Variants in DNAH1 observed in about 807,000 individuals in gnomAD.
The protein encoded by DNAH1 is axonemal beta dynein heavy chain 1.
DNAH1 carries 327 observed loss-of-function variants against 484.3 expected under a neutral mutation model. The ratio of observed to expected loss-of-function variants is 0.68; its 90% CI spans 0.62 to 0.74. DNAH1 has a LOEUF of 0.74. Among genes scored for constraint, DNAH1 ranks in the 30% least tolerant of loss-of-function variants. The pLI is 0.00. For synonymous variants in DNAH1, 2,192 were observed against 2,191.9 expected (o/e 1.00, Z 0.00); for missense variants, 5,052 against 5,546.8 (o/e 0.91, Z 2.83).
At position 52,332,408 on chromosome 3, in the gene DNAH1, C is replaced by T. The variant is rs747429673; in HGVS notation, c.1286+14C>T. On this transcript the variant is annotated intron_variant, in intron 8 of 77. Coordinates refer to ENST00000420323, the MANE Select transcript of DNAH1 (RefSeq NM_015512.5). ...CAAAGGCCCCTCGTGAGTCCCCGCT[C>T]GGCCTTCCCTATTCTGGGCATCACC... 1.7e-5 allele frequency: 27 copies of T among 1,609,154 alleles called. No homozygotes were observed. The highest frequency in any genetic ancestry group is 8.8e-5 in the South Asian group (8 of 91,042).
In DNAH1 at chr3:52,368,986, G is replaced by T; in HGVS notation, c.5943+68G>T. The T allele has an allele frequency of 6.4e-7, 1 of 1,562,598 alleles. No homozygotes were observed. The stretch of plus-strand genomic sequence containing the variant: ...GTGGGCCTGGAGGCTGCATCATGCT[G>T]GCCAAACTCTGCCCCCTCACCCCTT... On this transcript the variant is annotated intron_variant, in intron 37 of 77. Transcript: ENST00000420323. This position sits in a 1 kb window ranked among gnomAD's most constrained non-coding sequence, Gnocchi z 4.4.
rs761174540 is a variant in DNAH1, at chr3:52,399,063, G to A, written c.12303G>A (p.Gln4101=). The A allele has an allele frequency of 1.2e-6, 2 of 1,613,940 alleles. No individual in the cohort carries two copies. Among genetic ancestry groups the A allele is most frequent in the Admixed American group, 1.7e-5 (1 of 60,006 alleles). ...MDLLQRLDFL[Q]AWIQDGIPAV... is the part of the protein sequence containing the mutation. ...TGCTGCAACGCCTGGACTTTCTGCAGGCCTGGATCCAAGATGGCATCCCAG... is the reference window on the plus strand; with the variant it reads ...TGCTGCAACGCCTGGACTTTCTGCAAGCCTGGATCCAAGATGGCATCCCAG... Residue 4101 remains glutamine, a synonymous_variant, in exon 76 of 78, where the codon CAG becomes CAA. Coordinates refer to ENST00000420323, the MANE Select transcript of DNAH1 (RefSeq NM_015512.5).
chr3:52,383,569 A>G lies in DNAH1; in HGVS notation c.8125A>G (p.Asn2709Asp). Residue 2709 changes from asparagine to aspartate, a missense_variant, in exon 51 of 78, where the codon AAC becomes GAC. Around this residue, in one of 4 missense-constraint regions of DNAH1, gnomAD observed 2,929 missense variants for 3,409.4 expected, o/e 0.86. Transcript: ENST00000420323. ...MAAYTGRVRSNIHMVLCMSPI... is the reference protein window; with the variant it reads ...MAAYTGRVRSDIHMVLCMSPI... ...TGCTTACACAGGGCGTGTGCGCAGC[A>G]ACATCCACATGGTGCTGTGCATGAG... 1.2e-6 allele frequency: 2 copies of G among 1,601,968 alleles called. No individual in the cohort carries two copies. Among genetic ancestry groups the G allele is most frequent in the Non-Finnish European group, 1.7e-6 (2 of 1,174,132 alleles).
In DNAH1 at chr3:52,399,790, T is replaced by A. The variant is rs780251986; in HGVS notation, c.12676+11T>A. The A allele has an allele frequency of 6.2e-7, 1 of 1,612,448 alleles. No homozygotes were observed. Among genetic ancestry groups the A allele is most frequent in the Non-Finnish European group, 8.5e-7 (1 of 1,178,996 alleles). ...CACTGACTCGTGCTGGTATGAGGCC[T>A]GGGATGGGAGCCTACACTATGGGCG... On this transcript the variant is annotated intron_variant, in intron 77 of 77. Transcript: ENST00000420323.
chr3:52,339,430 A>T (rs140324394), intron 8 of DNAH1, among the ~76,000 whole-genome samples: 105 of 152,020 alleles, frequency 6.9e-4, no homozygotes, highest in African/African-American at 2.4e-3. Flanking sequence ...CTCTTTTCTT[A>T]CCGACATTTG....
rs755267166 is a variant in DNAH1 at position 52,360,420 on chromosome 3, G to A, written c.4681G>A (p.Asp1561Asn). Residue 1561 changes from aspartate (D) to asparagine (N), a missense_variant, in exon 28 of 78, where the codon GAC becomes AAC. Physicochemically the swap from Asp to Asn is conservative, Grantham distance 23. Transcript: ENST00000420323. ...SGRLVITPLT[D>N]RCYLTLTGAL... Reference sequence around the variant, plus strand: ...GAGGCTGGTGATCACGCCCCTCACCGACAGGTAAGCGTTCCCCTCTTGCTC... The same window carrying A: ...GAGGCTGGTGATCACGCCCCTCACCAACAGGTAAGCGTTCCCCTCTTGCTC... 8.1e-6 allele frequency: 13 copies of A among 1,612,804 alleles called. No individual in the cohort carries two copies. The highest frequency in any genetic ancestry group is 3.3e-5 in the Admixed American group (2 of 59,994).
intron 44 of DNAH1, chr3:52,374,511 T>A: frequency 6.8e-7 from 1 of 1,475,338 alleles, no homozygotes; most frequent in Non-Finnish European, 9.5e-7. Flanking sequence ...CATTGAACCA[T>A]CAGAATTTGT....
intron 52 of DNAH1, 131 bp downstream of exon 52, chr3:52,384,162 T>G (rs1432988400): frequency 3.0e-6 from 3 of 1,000,664 alleles, no homozygotes; most frequent in Non-Finnish European, 4.2e-6. Context: ...AGGCTGTGTT[T>G]CCTGTCTAAG....
chr3:52,396,488 C>T lies in DNAH1; in HGVS notation c.11380C>T (p.Leu3794=). The T allele has an allele frequency of 6.2e-7, 1 of 1,608,216 alleles. No homozygotes were observed. Among genetic ancestry groups the T allele is most frequent in the Non-Finnish European group, 8.5e-7 (1 of 1,177,356 alleles). The change falls in exon 71 of 78, where the codon CTG becomes TTG. Residue 3794 remains leucine (L), a synonymous_variant. Coordinates refer to ENST00000420323, the MANE Select transcript of DNAH1 (RefSeq NM_015512.5). ...EPPRGVRANL[L]KSYSSLGEDF... Reference sequence around the variant, plus strand: ...GCCACGCGGTGTCAGGGCCAACCTGCTGAAGTCCTATAGTAGCCTTGGTGA... The same window carrying T: ...GCCACGCGGTGTCAGGGCCAACCTGTTGAAGTCCTATAGTAGCCTTGGTGA...
rs764499701 is a variant in DNAH1, at chr3:52,394,537, TCAGA to T, written c.10701_10704del (p.Asp3568GlyfsTer7). 6.2e-7 allele frequency: 1 copy of T among 1,614,000 alleles called. No homozygotes were observed. The highest frequency in any genetic ancestry group is 2.2e-5 in the East Asian group (1 of 44,882). On this transcript the variant is annotated frameshift_variant, in exon 67 of 78. Coordinates refer to ENST00000420323, the MANE Select transcript of DNAH1 (RefSeq NM_015512.5). LOFTEE classifies it high-confidence loss of function. ...TGAGAATCCGGCACCGGACTGGCTG[TCAGA>T]CCGGGCTTGGCGAGACATCCTAGCA...
In DNAH1 at chr3:52,388,193, A is replaced by G; in HGVS notation, c.9030A>G (p.Lys3010=). Residue 3010 remains lysine, a synonymous_variant, in exon 57 of 78, where the codon AAA becomes AAG. Transcript: ENST00000420323. ...DKDNIGDVVI[K]AIQPYIDNEE... ...ACAACATTGGGGATGTGGTGATCAA[A>G]GCCATCCAGCCGTACATCGATAATG... 17 of 1,609,782 alleles carry G rather than the reference A, an allele frequency of 1.1e-5. No individual in the cohort carries two copies. The highest frequency in any genetic ancestry group is 1.4e-5 in the Non-Finnish European group (16 of 1,178,246).
At chr3:52,376,603 C>T (rs1559548881) in intron 46 of DNAH1, among the ~76,000 whole-genome samples, 2 of 152,154 alleles carry the variant, frequency 1.3e-5, no homozygotes, top group South Asian at 4.1e-4. Context: ...CACCCCTCTT[C>T]CCCGCCAACA....
chr3:52,360,275 C>T (rs947122062), intron 27 of DNAH1, 36 bp from the exon 28 acceptor site: 5 of 1,583,060 alleles, frequency 3.2e-6, no homozygotes, highest in Middle Eastern at 1.7e-4. Context: ...TGGCCCATTG[C>T]CCCATGGCCA....
At chr3:52,389,006 T>C in intron 59 of DNAH1, 69 bp downstream of exon 59, 1 of 1,486,388 alleles carries the variant, frequency 6.7e-7, no homozygotes, top group South Asian at 1.3e-5. Context: ...CCTTGAGGCC[T>C]CGCCTCCATG....
chr3:52,388,740 G>C, intron 58 of DNAH1, 66 bp from the exon 59 acceptor site: 1 of 1,606,522 alleles, frequency 6.2e-7, no homozygotes, highest in Non-Finnish European at 8.5e-7. Flanking sequence ...TGCCACAGTG[G>C]GTAGGGCCAG....
At chr3:52,365,877 C>G (rs1703053659) in intron 34 of DNAH1, among the ~76,000 whole-genome samples, 1 of 152,224 alleles carries the variant, frequency 6.6e-6, no homozygotes. Context: ...GCCTCAAACT[C>G]TTCTCTCCCT....
At position 52,397,007 on chromosome 3, in the gene DNAH1, G is replaced by A. The variant is rs1039366210; in HGVS notation, c.11750G>A (p.Gly3917Asp). The change falls in exon 73 of 78, where the codon GGC (glycine) becomes GAC (aspartate). Residue 3917 changes from glycine to aspartate, a missense_variant. Gly to Asp is a moderately conservative substitution (Grantham distance 94, BLOSUM62 -1). Transcript: ENST00000420323. ...LSPEHSYSAS[G>D]IYHQIPPTYD... ...CCTGAGCACAGCTACAGCGCCTCGG[G>A]CATCTACCACCAGATCCCGCCTACC... 1 of 1,610,526 alleles carries A rather than the reference G, an allele frequency of 6.2e-7. No homozygotes were observed. Among genetic ancestry groups the A allele is most frequent in the Non-Finnish European group, 8.5e-7 (1 of 1,178,484 alleles).
intron 1 of DNAH1, among the ~76,000 whole-genome samples, chr3:52,321,104 CTTTCTTT>C (rs1158135103): frequency 1.4e-4 from 20 of 146,252 alleles, no homozygotes; most frequent in Admixed American, 8.7e-4. Flanking sequence ...CTGGCCATTT[CTTTCTTT>C]TTTCTTTTTT....
chr3:52,322,760 C>A lies in DNAH1; in HGVS notation c.318C>A (p.Thr106=). 6.2e-7 allele frequency: 1 copy of A among 1,603,390 alleles called. No individual in the cohort carries two copies. The highest frequency in any genetic ancestry group is 8.5e-7 in the Non-Finnish European group (1 of 1,174,926). ...ACTCCGACATCCTCAGCCCTGGAAC[C>A]TTAGATCAACTTGGGGTGAGTATGG... ...GFYSDILSPG[T]LDQLGEVCRG... is the part of the protein sequence containing the mutation. The change falls in exon 2 of 78, where the codon ACC becomes ACA. Residue 106 remains threonine (T), a synonymous_variant. Transcript: ENST00000420323.
Sources: allele counts gnomAD v4.1 joint callset (sites outside exome capture counted in the v4.1 genomes callset), GRCh38; gene constraint gnomAD v4.1.1; regional missense constraint gnomAD v4.1.1; non-coding constraint Gnocchi (gnomAD v3.1); transcripts MANE v1.5; gene names NCBI Gene and HGNC (gene_info 2026-07-23, HGNC 2026-07-21).